The following ANXA8 variants were observed in gnomAD, a reference collection of about 807,000 sequenced individuals.
ANXA8 encodes the protein annexin A8, also known as VAC-beta.
In ANXA8, 9 loss-of-function variants were observed where a neutral mutation model predicts 26.8. The ratio of observed to expected loss-of-function variants is 0.34; its 90% confidence interval spans 0.20 to 0.59. ANXA8 has a LOEUF of 0.59. ANXA8 is among the 20% of genes least tolerant of loss of function. ANXA8 has a pLI of 0.84. For missense variants in ANXA8, 83 were observed against 238.5 expected (o/e 0.35, Z 4.29); for synonymous variants, 39 against 94.8 (o/e 0.41, Z 3.42).
At chr10:47,701,380 A>G in the ANXA8 span, among the ~76,000 whole-genome samples, 1 of 151,894 alleles carries the variant, frequency 6.6e-6, no homozygotes, top group East Asian at 1.9e-4. Flanking sequence ...TCTACCCTGA[A>G]GCTACATCTC....
the ANXA8 span, among the ~76,000 whole-genome samples, chr10:47,686,225 CTTTTT>C: frequency 1.2e-4 from 15 of 122,956 alleles, no homozygotes; most frequent in African/African-American, 4.2e-4. Context: ...GCTCCTATCA[CTTTTT>C]TTTTTTTTTT....
the ANXA8 span, among the ~76,000 whole-genome samples, chr10:47,988,387 G>A: frequency 1.8e-5 from 1 of 55,898 alleles, no homozygotes; most frequent in East Asian, 2.6e-4. Context: ...AGGGAATGCT[G>A]ATTTTGCTCA....
At chr10:47,958,570 T>C in the ANXA8 span, among the ~76,000 whole-genome samples, 4 of 148,122 alleles carry the variant, frequency 2.7e-5, no homozygotes, top group Non-Finnish European at 5.9e-5. Context: ...TGCCTTCCAC[T>C]GATGGCTTCG....
the ANXA8 span, among the ~76,000 whole-genome samples, chr10:47,959,110 G>T: frequency 6.8e-6 from 1 of 147,806 alleles, no homozygotes; most frequent in Non-Finnish European, 1.5e-5. Flanking sequence ...AGGAAAGGCT[G>T]GGAGGTAGGT....
chr10:47,982,834 A>ATATATATATATATATATATAT, the ANXA8 span, among the ~76,000 whole-genome samples: 20 of 67,592 alleles, frequency 3.0e-4, no homozygotes, highest in East Asian at 7.1e-4. Context: ...ATATATATAT[A>ATATATATATATATATATATAT]AAATTTGATA....
the ANXA8 span, among the ~76,000 whole-genome samples, chr10:47,935,383 TG>T: frequency 6.7e-6 from 1 of 148,366 alleles, no homozygotes; most frequent in East Asian, 2.2e-4. Context: ...TGTACAAATA[TG>T]GAAACTGAGA....
At chr10:47,490,025 G>T in the ANXA8 span, among the ~76,000 whole-genome samples, 1 of 150,086 alleles carries the variant, frequency 6.7e-6, no homozygotes, top group Admixed American at 6.6e-5. Flanking sequence ...GCCTGGAATG[G>T]CAATGAGCAG....
chr10:47,944,761 C>T, the ANXA8 span, among the ~76,000 whole-genome samples: 2 of 150,518 alleles, frequency 1.3e-5, no homozygotes, highest in African/African-American at 4.9e-5. Flanking sequence ...CCATGTGGAA[C>T]TGTGAGTCGA....
At chr10:47,930,951 T>G in the ANXA8 span, among the ~76,000 whole-genome samples, 1 of 140,026 alleles carries the variant, frequency 7.1e-6, no homozygotes, top group East Asian at 2.1e-4. Flanking sequence ...ATGTATTTAG[T>G]GCCCCAACCA....
the ANXA8 span, among the ~76,000 whole-genome samples, chr10:47,648,979 AT>A: frequency 1.1e-5 from 1 of 89,074 alleles, no homozygotes; most frequent in African/African-American, 5.5e-5. Context: ...AGATTAATAT[AT>A]CTAATACAAG....
the ANXA8 span, among the ~76,000 whole-genome samples, chr10:47,676,341 G>A: frequency 2.0e-5 from 3 of 151,802 alleles, no homozygotes; most frequent in Non-Finnish European, 4.4e-5. Flanking sequence ...CAAATCCCAA[G>A]CAAGTTAAAT....
the ANXA8 span, among the ~76,000 whole-genome samples, chr10:47,699,822 G>T: frequency 1.1e-3 from 167 of 151,452 alleles, 6 homozygotes; most frequent in African/African-American, 3.7e-3. Context: ...ACAGAGCAAG[G>T]CCCTGTCTCA....
the ANXA8 span, among the ~76,000 whole-genome samples, chr10:47,971,152 CTTTA>C: frequency 6.6e-6 from 1 of 151,290 alleles, no homozygotes; most frequent in Admixed American, 6.6e-5. Flanking sequence ...GTGGCTGCCT[CTTTA>C]TTTAACTCCT....
At chr10:47,497,151 T>C in the ANXA8 span, among the ~76,000 whole-genome samples, 1 of 146,994 alleles carries the variant, frequency 6.8e-6, no homozygotes, top group East Asian at 2.1e-4. Flanking sequence ...AGAAACCCCA[T>C]ACCTACCAAA....
the ANXA8 span, among the ~76,000 whole-genome samples, chr10:47,900,647 A>G: frequency 7.4e-6 from 1 of 134,562 alleles, no homozygotes; most frequent in Non-Finnish European, 1.6e-5. Flanking sequence ...ACAACACAAT[A>G]AATTATCTTG....
At chr10:47,586,521 C>T in the ANXA8 span, among the ~76,000 whole-genome samples, 5 of 145,292 alleles carry the variant, frequency 3.4e-5, no homozygotes, top group Non-Finnish European at 7.4e-5. Flanking sequence ...CTCCTTTCAA[C>T]TTGACACTAG....
chr10:47,646,614 TA>T, the ANXA8 span, among the ~76,000 whole-genome samples: 33,441 of 146,322 alleles, frequency 0.23, 2,116 homozygotes, highest in East Asian at 0.44. Flanking sequence ...TATGACCCTT[TA>T]AAAAAAAATG....
chr10:47,901,928 C>T, the ANXA8 span, among the ~76,000 whole-genome samples: 1 of 149,882 alleles, frequency 6.7e-6, no homozygotes, highest in Non-Finnish European at 1.5e-5. Flanking sequence ...TTTAATTTAC[C>T]ATAACTTTAA....
At chr10:47,546,164 T>A in the ANXA8 span, among the ~76,000 whole-genome samples, 2 of 136,572 alleles carry the variant, frequency 1.5e-5, 1 homozygote, top group African/African-American at 5.3e-5. Flanking sequence ...ATCAATGAAA[T>A]ATATTAAATA....
Sources: allele counts gnomAD v4.1 joint callset (sites outside exome capture counted in the v4.1 genomes callset), GRCh38; gene constraint gnomAD v4.1.1; transcripts MANE v1.5; gene names NCBI Gene and HGNC (gene_info 2026-07-23, HGNC 2026-07-21).